The following FGGY variants were observed in gnomAD, a reference collection of about 807,000 sequenced individuals.
The protein encoded by FGGY is FGGY carbohydrate kinase domain-containing protein.
A neutral mutation model predicts 71.3 loss-of-function variants in FGGY; 72 were observed. That is an observed-to-expected ratio of 1.01 (90% CI 0.84 to 1.23). The LOEUF (loss-of-function observed/expected upper bound fraction) is 1.23, where lower values mean the gene tolerates loss of function less well. FGGY is among the 50% of genes most tolerant of loss of function. FGGY has a pLI of 0.00. For missense variants in FGGY, 668 were observed against 682.3 expected, an observed-to-expected ratio of 0.98 and a Z score of 0.23; for synonymous variants, 251 against 250.3, an observed-to-expected ratio of 1.00 and a Z score of -0.02.
intron 5 of FGGY, among the ~76,000 whole-genome samples, chr1:59,428,736 G>GC (rs1420970392): frequency 2.0e-5 from 3 of 152,124 alleles, no homozygotes; most frequent in Non-Finnish European, 4.4e-5. Flanking sequence ...ATATTATGTT[G>GC]CCCCAAGGTC....
rs988076606 is a variant in FGGY, at chr1:59,653,107, G to C, written c.1222-7112G>C. ...GACCCACTTGAGGAGGCAGTCTGCG[G>C]GTTCTCAGATCTCCAGCTGCGTGCT... On this transcript the variant is annotated intron_variant, in intron 11 of 15. Coordinates refer to ENST00000303721, the MANE Select transcript of FGGY (RefSeq NM_018291.5). 1.1e-4 allele frequency among the ~76,000 whole-genome samples: 16 copies of C among 152,332 alleles called. 1 individual carries two copies. The East Asian group carries it at 1.7e-3, about 17-fold the overall frequency.
At chr1:59,715,213 C>T (rs1410077688) in intron 14 of FGGY, among the ~76,000 whole-genome samples, 2 of 152,124 alleles carry the variant, frequency 1.3e-5, no homozygotes, top group Non-Finnish European at 2.9e-5. Flanking sequence ...GGGAAGCTTG[C>T]CCTATTTGTG....
chr1:59,670,413 T>C (rs2097367229), intron 13 of FGGY, among the ~76,000 whole-genome samples: 1 of 152,216 alleles, frequency 6.6e-6, no homozygotes, highest in South Asian at 2.1e-4. Context: ...CAGAAATGCA[T>C]GTGAAAAACA....
At chr1:59,537,812 A>G (rs79508788) in intron 7 of FGGY, among the ~76,000 whole-genome samples, 74,137 of 151,818 alleles carry the variant, frequency 0.49, 19,638 homozygotes, top group African/African-American at 0.7. Flanking sequence ...AGCTGAAACT[A>G]GATTCCTTCC....
intron 5 of FGGY, among the ~76,000 whole-genome samples, 177 bp downstream of exon 5, chr1:59,379,014 G>A (rs2059033769): frequency 6.6e-6 from 1 of 152,106 alleles, no homozygotes; most frequent in Non-Finnish European, 1.5e-5. Context: ...CCCAAACACT[G>A]TTGTTCCTAA....
intron 14 of FGGY, among the ~76,000 whole-genome samples, chr1:59,739,576 A>G (rs1195190088): frequency 6.6e-6 from 1 of 152,216 alleles, no homozygotes; most frequent in Non-Finnish European, 1.5e-5. Context: ...CCTGTCTGAT[A>G]ACCCTACCAC....
intron 14 of FGGY, among the ~76,000 whole-genome samples, chr1:59,718,230 A>AT (rs1332725777): frequency 6.6e-6 from 1 of 152,240 alleles, no homozygotes; most frequent in Non-Finnish European, 1.5e-5. Context: ...TGATCCAGAC[A>AT]TTCTTTCTAT....
At chr1:59,503,397 C>T (rs899739373) in intron 6 of FGGY, among the ~76,000 whole-genome samples, 5 of 151,696 alleles carry the variant, frequency 3.3e-5, no homozygotes, top group African/African-American at 4.8e-5. Flanking sequence ...CACTGACCTA[C>T]AATAGTTACC....
chr1:59,425,809 T>C (rs933048762), intron 5 of FGGY, among the ~76,000 whole-genome samples: 1 of 152,210 alleles, frequency 6.6e-6, no homozygotes, highest in African/African-American at 2.4e-5. Context: ...GACATTCTTT[T>C]CCTCTGGCTC....
At chr1:59,555,656 CTGT>C (rs2095673259) in intron 8 of FGGY, among the ~76,000 whole-genome samples, 7 of 152,134 alleles carry the variant, frequency 4.6e-5, no homozygotes, top group Admixed American at 4.6e-4. Flanking sequence ...AGATTTCCTT[CTGT>C]TTGGGCTCTG....
chr1:59,682,960 G>A (rs1298773173), intron 14 of FGGY, among the ~76,000 whole-genome samples: 2 of 152,144 alleles, frequency 1.3e-5, no homozygotes, highest in East Asian at 1.9e-4. Context: ...TGAAGGAACC[G>A]GTGTGCTGGC....
intron 14 of FGGY, among the ~76,000 whole-genome samples, chr1:59,701,567 G>C (rs1249919726): frequency 6.6e-6 from 1 of 152,108 alleles, no homozygotes; most frequent in Admixed American, 6.6e-5. Context: ...TTGCAGAAGA[G>C]GCATACCATA....
intron 4 of FGGY, among the ~76,000 whole-genome samples, chr1:59,370,879 T>C (rs1253624826): frequency 5.3e-5 from 8 of 151,838 alleles, no homozygotes; most frequent in African/African-American, 1.9e-4. Context: ...CACCACCAGG[T>C]CGGACCTAAA....
chr1:59,671,253 A>ATC (rs1420439696), intron 13 of FGGY, among the ~76,000 whole-genome samples: 1 of 152,222 alleles, frequency 6.6e-6, no homozygotes, highest in Non-Finnish European at 1.5e-5. Flanking sequence ...CAGGGAACAG[A>ATC]TACACACTCC....
intron 6 of FGGY, among the ~76,000 whole-genome samples, chr1:59,512,068 C>A (rs964516689): frequency 1.3e-5 from 2 of 152,160 alleles, no homozygotes; most frequent in African/African-American, 4.8e-5. Flanking sequence ...GAATCTTTAT[C>A]TGGTTTGAAT....
At chr1:59,754,277 G>A (rs2098271766) in intron 14 of FGGY, among the ~76,000 whole-genome samples, 1 of 152,186 alleles carries the variant, frequency 6.6e-6, no homozygotes, top group African/African-American at 2.4e-5. Flanking sequence ...GAGACCCCCT[G>A]CCTCTGAAAA....
chr1:59,652,804 G>A (rs1025298006), intron 11 of FGGY, among the ~76,000 whole-genome samples: 27 of 152,250 alleles, frequency 1.8e-4, no homozygotes, highest in East Asian at 9.6e-4. Flanking sequence ...GAGGAACTGC[G>A]TTCCTTTGGA....
At chr1:59,667,761 T>A (rs1319522908) in intron 13 of FGGY, among the ~76,000 whole-genome samples, 1 of 152,180 alleles carries the variant, frequency 6.6e-6, no homozygotes, top group Non-Finnish European at 1.5e-5. Context: ...ACATGATCCT[T>A]GCTCCCCACC....
chr1:59,723,571 G>A (rs533134245), intron 14 of FGGY, among the ~76,000 whole-genome samples: 91 of 147,792 alleles, frequency 6.2e-4, no homozygotes, highest in Non-Finnish European at 7.5e-5. Context: ...TTTGGGGGGG[G>A]GTGGTTGGGG....
Sources: gnomAD v4.1 joint callset for allele counts (sites outside exome capture counted in the v4.1 genomes callset) on GRCh38, gnomAD v4.1.1 for gene constraint, MANE v1.5 for transcripts, NCBI Gene and HGNC (gene_info 2026-07-23, HGNC 2026-07-21) for gene names.